CSDE1: variants seen among roughly 807,000 people sequenced by gnomAD.
The protein encoded by CSDE1 is cold shock domain-containing protein E1.
CSDE1 carries 17 observed loss-of-function variants against 89.3 expected under a neutral mutation model. The observed-to-expected ratio is 0.19, with a 90% CI of 0.13 to 0.29. The LOEUF is 0.29. Ranked by LOEUF, CSDE1 falls within the 10% of genes least tolerant of loss-of-function variation. The probability of loss-of-function intolerance (pLI) is 1.00; values close to 1 mark genes in which losing one functional copy is unlikely to be tolerated. For missense variants in CSDE1, 672 were observed against 984.2 expected (o/e 0.68, Z 4.24); for synonymous variants, 322 against 332.8 (o/e 0.97, Z 0.35).
intron 10 of CSDE1, among the ~76,000 whole-genome samples, chr1:114,731,407 A>T (rs549401586): frequency 6.6e-6 from 1 of 151,884 alleles, no homozygotes; most frequent in African/African-American, 2.4e-5. Flanking sequence ...AAAAAAAAAA[A>T]TCACACATTC....
intron 5 of CSDE1, among the ~76,000 whole-genome samples, 161 bp from the exon 6 acceptor site, chr1:114,737,016 C>T (rs1333880101): frequency 6.6e-6 from 1 of 152,084 alleles, no homozygotes; most frequent in African/African-American, 2.4e-5. Context: ...ACACACACTT[C>T]CCCTCCATGG....
intron 13 of CSDE1, 54 bp downstream of exon 13, chr1:114,726,929 T>A: frequency 8.2e-7 from 1 of 1,214,472 alleles, no homozygotes. Flanking sequence ...CTGCAGGATT[T>A]ATGATTAAGA....
In CSDE1 at chr1:114,717,998, T is replaced by G; in HGVS notation, c.*171A>C. 1.6e-6 allele frequency: 1 copy of G among 618,026 alleles called. No individual in the cohort carries two copies. The highest frequency in any genetic ancestry group is 2.7e-6 in the Non-Finnish European group (1 of 367,040). The allele number at this position is 618,026 out of a possible 1,614,324, so 38.3% of individuals were successfully genotyped here. On this transcript the variant is annotated 3_prime_UTR_variant, in exon 20 of 20. Transcript: ENST00000358528. ...ATTATTTAAAATGGTTTTCTTAAAT[T>G]TATTTATTTTTTTAAACATAACACG...
intron 1 of CSDE1, among the ~76,000 whole-genome samples, chr1:114,754,718 AACCT>A (rs1308412224): frequency 6.6e-6 from 1 of 152,222 alleles, no homozygotes; most frequent in Non-Finnish European, 1.5e-5. Flanking sequence ...ATAATTAACC[AACCT>A]AAGTCATCTG....
chr1:114,752,450 G>T (rs1661357931), intron 1 of CSDE1, among the ~76,000 whole-genome samples: 1 of 152,052 alleles, frequency 6.6e-6, no homozygotes, highest in African/African-American at 2.4e-5. Flanking sequence ...CACTAGGTTA[G>T]GTGCCAGGCC....
At chr1:114,733,080 A>G (rs2101039910) in intron 9 of CSDE1, among the ~76,000 whole-genome samples, 1 of 152,302 alleles carries the variant, frequency 6.6e-6, no homozygotes, top group South Asian at 2.1e-4. Flanking sequence ...GAATGACACC[A>G]CTTGTGTCCT....
chr1:114,723,615 T>C (rs1253858229), intron 16 of CSDE1, among the ~76,000 whole-genome samples: 1 of 120,630 alleles, frequency 8.3e-6, no homozygotes, highest in African/African-American at 2.5e-5. Flanking sequence ...TTATCAGAGT[T>C]TGTTGTTAAG....
Position 114,739,841 on chromosome 1 carries a change from G to T in CSDE1, c.50C>A (p.Pro17His), listed in dbSNP as rs755276800. 6.2e-7 allele frequency: 1 copy of T among 1,614,060 alleles called. No individual in the cohort carries two copies. Among genetic ancestry groups the T allele is most frequent in the Non-Finnish European group, 8.5e-7 (1 of 1,179,956 alleles). Reference protein sequence around the residue: ...LLHNNGHNGYPNGTSAALRET... With the variant: ...LLHNNGHNGYHNGTSAALRET... ...ACGCAGTGCTGCTGAAGTACCATTA[G>T]GGTACCCATTATGTCCATTGTTGTG... The change falls in exon 3 of 20, where the codon CCT becomes CAT. Residue 17 changes from proline to histidine, a missense_variant. Physicochemically the swap from Pro to His is moderately conservative, Grantham distance 77. Around this residue, in one of 8 missense-constraint regions of CSDE1, gnomAD observed 26 missense variants for 24.3 expected, o/e 1.07. Transcript: ENST00000358528.
intron 17 of CSDE1, 101 bp downstream of exon 17, chr1:114,720,438 G>C: frequency 8.8e-7 from 1 of 1,136,078 alleles, no homozygotes; most frequent in Non-Finnish European, 1.2e-6. Context: ...ATAAAAAAAC[G>C]AATGAATGTT....
intron 5 of CSDE1, among the ~76,000 whole-genome samples, chr1:114,737,142 A>G (rs989637800): frequency 6.6e-6 from 1 of 152,126 alleles, no homozygotes; most frequent in South Asian, 2.1e-4. Flanking sequence ...AATTTTATAT[A>G]AGGCATTCCA....
rs565132309 is a variant in CSDE1, at chr1:114,720,546, T to C, written c.2045A>G (p.Lys682Arg). 1.2e-6 allele frequency: 2 copies of C among 1,611,776 alleles called. No individual in the cohort carries two copies. ...AGAGATGCTGGCACTTACCTGATCT[T>C]TCACACATTCCACTGTGGCCCTGCG... Reference protein sequence around the residue: ...PLRRATVECVKDQFGFINYEV... With the variant: ...PLRRATVECVRDQFGFINYEV... The change falls in exon 17 of 20, where the codon AAA becomes AGA. Residue 682 changes from lysine (K) to arginine (R), a missense_variant. Lys to Arg is a conservative substitution (Grantham distance 26, BLOSUM62 2). Transcript: ENST00000358528.
chr1:114,733,503 C>T (rs910446981), intron 9 of CSDE1, among the ~76,000 whole-genome samples: 1 of 141,360 alleles, frequency 7.1e-6, no homozygotes, highest in South Asian at 2.2e-4. Context: ...TCCAGCCTGG[C>T]GACAGAGCGA....
intron 9 of CSDE1, 101 bp from the exon 10 acceptor site, chr1:114,732,917 T>A: frequency 9.7e-7 from 1 of 1,033,190 alleles, no homozygotes; most frequent in Non-Finnish European, 1.4e-6. Context: ...ATTTTTAACT[T>A]AGTTCCCTGA....
intron 16 of CSDE1, among the ~76,000 whole-genome samples, chr1:114,723,209 A>G (rs1659619931): frequency 6.6e-6 from 1 of 152,084 alleles, no homozygotes; most frequent in Non-Finnish European, 1.5e-5. Context: ...TCTACTCCAC[A>G]TCATGTAATT....
rs536511997 is a variant in CSDE1, at chr1:114,731,082, A to C, written c.1051-434T>G. On this transcript the variant is annotated intron_variant, in intron 10 of 19. Transcript: ENST00000358528. ...GGAAAGAGTTAAAATTTACATCTGA[A>C]GAATAAAATATATGCAATCTTTTCT... 7.0e-4 allele frequency among the ~76,000 whole-genome samples: 106 copies of C among 152,210 alleles called. No individual in the cohort carries two copies. In the Middle Eastern group the frequency reaches 0.014, roughly 20 times the overall value.
chr1:114,721,129 C>T (rs774523269), intron 16 of CSDE1, among the ~76,000 whole-genome samples: 22 of 152,150 alleles, frequency 1.4e-4, no homozygotes, highest in Admixed American at 3.9e-4. Context: ...AACAACTAGG[C>T]GGGCACAGGC....
intron 16 of CSDE1, among the ~76,000 whole-genome samples, chr1:114,723,078 C>G (rs974797188): frequency 7.9e-5 from 12 of 152,028 alleles, no homozygotes; most frequent in Non-Finnish European, 1.5e-4. Flanking sequence ...AGGCTGGTCA[C>G]GAACTCCTGG....
At chr1:114,737,878 G>A (rs1222622876) in intron 4 of CSDE1, 85 bp downstream of exon 4, 2 of 918,654 alleles carry the variant, frequency 2.2e-6, no homozygotes, top group East Asian at 2.4e-5. Flanking sequence ...GCAAACTGAG[G>A]AGATGGGGAG....
Position 114,733,758 on chromosome 1 carries a change from T to C in CSDE1, c.811A>G (p.Ile271Val). ...EHFEGTVTKV[I>V]PKVPSKNQND... Reference sequence around the variant, plus strand: ...TGGTTTTTACTGGGTACTTTTGGGATAACTTTGGTTACAGTTCCTTCAAAA... The same window carrying C: ...TGGTTTTTACTGGGTACTTTTGGGACAACTTTGGTTACAGTTCCTTCAAAA... Residue 271 changes from isoleucine (I) to valine (V), a missense_variant, in exon 9 of 20, where the codon ATC (isoleucine) becomes GTC (valine). By Grantham distance (29) the Ile-to-Val change is conservative. This residue lies in a region of CSDE1 where 169 missense variants were observed against 262.9 expected (regional missense o/e 0.64). Transcript: ENST00000358528. The C allele has an allele frequency of 1.2e-6, 2 of 1,613,826 alleles. No homozygotes were observed. Among genetic ancestry groups the C allele is most frequent in the Non-Finnish European group, 1.7e-6 (2 of 1,179,926 alleles).
Sources: gnomAD v4.1 joint callset for allele counts (sites outside exome capture counted in the v4.1 genomes callset) on GRCh38, gnomAD v4.1.1 for gene constraint, gnomAD v4.1.1 regional missense constraint, MANE v1.5 for transcripts, NCBI Gene and HGNC (gene_info 2026-07-23, HGNC 2026-07-21) for gene names.